The following GRHL2 variants were observed in gnomAD, a reference collection of about 807,000 sequenced individuals.
GRHL2 encodes grainyhead like transcription factor 2.
Under a neutral mutation model 83.8 loss-of-function variants are expected in GRHL2, and 21 were observed. That is an observed-to-expected ratio of 0.25 (90% CI 0.18 to 0.36). GRHL2 has a LOEUF of 0.36. GRHL2 is among the 10% of genes least tolerant of loss of function. The pLI, the probability that GRHL2 is intolerant of heterozygous loss-of-function variation, is 1.00. For synonymous variants in GRHL2, 280 were observed against 278.9 expected (o/e 1.00, Z -0.04); for missense variants, 623 against 781.8 (o/e 0.80, Z 2.42).
chr8:101,650,614 A>G (rs1813601915), intron 14 of GRHL2, among the ~76,000 whole-genome samples: 1 of 152,138 alleles, frequency 6.6e-6, no homozygotes. Flanking sequence ...AAGCAAATCC[A>G]TAGAGACGAA....
intron 15 of GRHL2, 115 bp downstream of exon 15, chr8:101,664,633 TTG>T (rs1814005488): frequency 2.6e-6 from 2 of 766,012 alleles, no homozygotes; most frequent in South Asian, 1.5e-5. Context: ...TTCATAAAAA[TTG>T]TGTCCTTCTT....
intron 7 of GRHL2, among the ~76,000 whole-genome samples, chr8:101,585,589 G>T (rs972479690): frequency 5.9e-5 from 9 of 152,094 alleles, no homozygotes; most frequent in African/African-American, 1.9e-4. Flanking sequence ...TGTTGCATCC[G>T]CCCTTGCTGT....
intron 8 of GRHL2, among the ~76,000 whole-genome samples, chr8:101,617,535 T>G (rs1586147869): frequency 6.6e-6 from 1 of 152,276 alleles, no homozygotes; most frequent in African/African-American, 2.4e-5. Flanking sequence ...ATAGGATCTC[T>G]CTCTGTCACC....
At chr8:101,559,943 T>G (rs1381881669) in intron 4 of GRHL2, among the ~76,000 whole-genome samples, 4 of 152,192 alleles carry the variant, frequency 2.6e-5, no homozygotes, top group Non-Finnish European at 5.9e-5. Context: ...GAGGATATAG[T>G]CTCCTATGTT....
intron 2 of GRHL2, 94 bp from the exon 3 acceptor site, chr8:101,552,621 C>T (rs1481595291): frequency 8.9e-7 from 1 of 1,122,356 alleles, no homozygotes; most frequent in African/African-American, 1.5e-5. Flanking sequence ...GAGAACATTC[C>T]ATTTTGGTTT....
intron 1 of GRHL2, among the ~76,000 whole-genome samples, chr8:101,540,469 T>G (rs1308553490): frequency 1.3e-5 from 2 of 152,218 alleles, no homozygotes; most frequent in Non-Finnish European, 2.9e-5. Flanking sequence ...CATTTGCAAT[T>G]GAGTCAATGT....
intron 1 of GRHL2, among the ~76,000 whole-genome samples, chr8:101,504,975 GAAA>G (rs34007500): frequency 8.8e-6 from 1 of 113,038 alleles, no homozygotes; most frequent in Non-Finnish European, 1.9e-5. Flanking sequence ...ATTGCATTAG[GAAA>G]AAAAAAAAAA....
chr8:101,514,994 T>TGCTTCCTCCCTTCCTTCCCC (rs1810540760), intron 1 of GRHL2, among the ~76,000 whole-genome samples: 1 of 151,086 alleles, frequency 6.6e-6, no homozygotes, highest in Non-Finnish European at 1.5e-5. Flanking sequence ...CTTCCTTTCC[T>TGCTTCCTCCCTTCCTTCCCC]GCTTCCTCCC....
intron 9 of GRHL2, among the ~76,000 whole-genome samples, chr8:101,624,246 GACAGTAC>G (rs1203269307): frequency 3.9e-4 from 58 of 148,940 alleles, no homozygotes; most frequent in African/African-American, 1.4e-3. Context: ...TACGCAGTAG[GACAGTAC>G]ACAGTACACA....
intron 6 of GRHL2, 103 bp from the exon 7 acceptor site, chr8:101,577,305 G>A (rs903199700): frequency 1.3e-6 from 1 of 767,346 alleles, no homozygotes; most frequent in South Asian, 1.5e-5. Flanking sequence ...AGCAAGAAAA[G>A]CAACATGACA....
downstream of GRHL2, among the ~76,000 whole-genome samples, chr8:101,671,200 G>T (rs552129554): frequency 2.6e-5 from 4 of 152,298 alleles, no homozygotes; most frequent in Non-Finnish European, 4.4e-5. Flanking sequence ...TGCACCCTGC[G>T]CAAGCTGAAG....
At chr8:101,654,832 T>C (rs1813749821) in intron 14 of GRHL2, among the ~76,000 whole-genome samples, 1 of 152,186 alleles carries the variant, frequency 6.6e-6, no homozygotes, top group African/African-American at 2.4e-5. Context: ...GCTGTTCTTA[T>C]ACTCAGCAGA....
chr8:101,675,270 C>T, the GRHL2 span, among the ~76,000 whole-genome samples: 19 of 152,176 alleles, frequency 1.2e-4, no homozygotes, highest in African/African-American at 2.4e-4. Context: ...AGTCAAATTG[C>T]CCCTGTTTGC....
intron 1 of GRHL2, among the ~76,000 whole-genome samples, chr8:101,498,302 T>G (rs1382992633): frequency 6.6e-6 from 1 of 152,056 alleles, no homozygotes; most frequent in African/African-American, 2.4e-5. Context: ...GTATTTTTAA[T>G]AGAGATGGGG....
At chr8:101,579,750 G>A (rs748296726) in intron 7 of GRHL2, among the ~76,000 whole-genome samples, 1 of 152,156 alleles carries the variant, frequency 6.6e-6, no homozygotes, top group Non-Finnish European at 1.5e-5. Flanking sequence ...AAGGAGCACC[G>A]ATGGTGTCCT....
At chr8:101,516,632 C>T (rs903752993) in intron 1 of GRHL2, among the ~76,000 whole-genome samples, 6 of 152,166 alleles carry the variant, frequency 3.9e-5, no homozygotes, top group African/African-American at 1.4e-4. Context: ...GTCTCAAACT[C>T]ATGAGCTCAG....
chr8:101,586,131 C>G (rs1326258513), intron 7 of GRHL2, among the ~76,000 whole-genome samples: 2 of 136,904 alleles, frequency 1.5e-5, no homozygotes, highest in East Asian at 2.2e-4. Flanking sequence ...GGACTGCGGA[C>G]TGCAGTGGCG....
chr8:101,634,539 A>G (rs907436001), intron 11 of GRHL2, among the ~76,000 whole-genome samples: 5 of 152,158 alleles, frequency 3.3e-5, no homozygotes, highest in African/African-American at 9.7e-5. Context: ...GTTTCCCTTA[A>G]GTGGGTAGAA....
At chr8:101,560,084 C>T (rs1456232745) in intron 4 of GRHL2, among the ~76,000 whole-genome samples, 2 of 152,156 alleles carry the variant, frequency 1.3e-5, no homozygotes, top group African/African-American at 4.8e-5. Flanking sequence ...TGGCTCACTG[C>T]AACCTCTGCC....
Sources: allele counts gnomAD v4.1 joint callset (sites outside exome capture counted in the v4.1 genomes callset), GRCh38; gene constraint gnomAD v4.1.1; transcripts MANE v1.5; gene names NCBI Gene and HGNC (gene_info 2026-07-23, HGNC 2026-07-21).